LRRTM4: variants seen among roughly 807,000 people sequenced by gnomAD.
LRRTM4 encodes leucine-rich repeat transmembrane neuronal protein 4.
In LRRTM4, 25 loss-of-function variants were observed where a neutral mutation model predicts 47.6. That is an observed-to-expected ratio of 0.53 (90% CI 0.38 to 0.73). LRRTM4 has a LOEUF of 0.73. Ranked by LOEUF, LRRTM4 falls within the 30% of genes least tolerant of loss-of-function variation. The probability of loss-of-function intolerance (pLI) is 0.00; values close to 1 mark genes in which losing one functional copy is unlikely to be tolerated. For synonymous variants in LRRTM4, 311 were observed against 269.5 expected (o/e 1.15, Z -1.51); for missense variants, 638 against 713.4 (o/e 0.89, Z 1.20).
chr2:76,805,809 AAAAC>A lies in LRRTM4; in HGVS notation c.1552-56897_1552-56894del, dbSNP rs145013975. Among the ~76,000 whole-genome samples, 297 of 152,028 alleles carry A rather than the reference AAAAC, an allele frequency of 2.0e-3. 3 individuals are homozygous for A. The East Asian group carries it at 0.031, about 16-fold the overall frequency. On this transcript the variant is annotated intron_variant, in intron 3 of 3. Coordinates refer to ENST00000409884, the MANE Select transcript of LRRTM4 (RefSeq NM_001134745.3). ...ACTTCCCCTTACTGCAGACCTCCAT[AAAAC>A]AAACAAACAAACAAACAAACACCTC...
chr2:76,824,479 C>T (rs1185748784), intron 3 of LRRTM4, among the ~76,000 whole-genome samples: 1 of 151,454 alleles, frequency 6.6e-6, no homozygotes, highest in Non-Finnish European at 1.5e-5. Context: ...CATATACACT[C>T]AATTTATTAA....
intron 3 of LRRTM4, among the ~76,000 whole-genome samples, chr2:77,290,413 G>A (rs928575137): frequency 6.6e-6 from 1 of 151,802 alleles, no homozygotes; most frequent in East Asian, 1.9e-4. Context: ...GTATAGGGAG[G>A]GGAGCATAAA....
At chr2:77,173,920 C>A (rs1418255399) in intron 3 of LRRTM4, among the ~76,000 whole-genome samples, 1 of 152,196 alleles carries the variant, frequency 6.6e-6, no homozygotes, top group Non-Finnish European at 1.5e-5. Flanking sequence ...AAAGAGCTGG[C>A]ATTGCCAGAA....
intron 3 of LRRTM4, among the ~76,000 whole-genome samples, chr2:77,134,657 T>C (rs1671885107): frequency 6.6e-6 from 1 of 152,170 alleles, no homozygotes; most frequent in Non-Finnish European, 1.5e-5. Context: ...ATTTTAGTTC[T>C]TACTTTCCTG....
At chr2:77,155,910 A>G (rs1672548092) in intron 3 of LRRTM4, among the ~76,000 whole-genome samples, 2 of 152,182 alleles carry the variant, frequency 1.3e-5, no homozygotes, top group Non-Finnish European at 1.5e-5. Flanking sequence ...ACCACAGATA[A>G]ATGATAAATG....
chr2:77,440,277 G>T (rs1178096281), intron 3 of LRRTM4, among the ~76,000 whole-genome samples: 1 of 152,154 alleles, frequency 6.6e-6, no homozygotes, highest in African/African-American at 2.4e-5. Context: ...AGCCGGGCGT[G>T]GTGGCGGGCG....
intron 3 of LRRTM4, among the ~76,000 whole-genome samples, chr2:76,996,226 TTAGATAATG>T (rs1248206812): frequency 1.3e-5 from 2 of 152,098 alleles, no homozygotes; most frequent in African/African-American, 4.8e-5. Context: ...TATTGAACTC[TTAGATAATG>T]TAACTTAGAT....
At chr2:77,296,758 C>A (rs1676985290) in intron 3 of LRRTM4, among the ~76,000 whole-genome samples, 1 of 152,206 alleles carries the variant, frequency 6.6e-6, no homozygotes, top group Non-Finnish European at 1.5e-5. Flanking sequence ...CCACCACCAG[C>A]CACACCTCCT....
intron 3 of LRRTM4, among the ~76,000 whole-genome samples, chr2:76,974,383 C>T (rs1046775527): frequency 2.7e-5 from 4 of 150,382 alleles, no homozygotes; most frequent in Non-Finnish European, 5.9e-5. Flanking sequence ...GAGCTAGTAA[C>T]GTTTAACTTG....
At chr2:77,083,471 G>A (rs1921734) in intron 3 of LRRTM4, among the ~76,000 whole-genome samples, 23,095 of 152,004 alleles carry the variant, frequency 0.15, 2,606 homozygotes, top group East Asian at 0.42. Context: ...ACCAACCATT[G>A]ATTTTAACAG....
chr2:77,259,885 C>T (rs929100720), intron 3 of LRRTM4, among the ~76,000 whole-genome samples: 4 of 152,028 alleles, frequency 2.6e-5, no homozygotes, highest in Non-Finnish European at 5.9e-5. Flanking sequence ...TTCAATAAAT[C>T]AGCCCATGTC....
intron 3 of LRRTM4, among the ~76,000 whole-genome samples, chr2:77,192,763 G>A (rs1023100586): frequency 1.4e-4 from 22 of 152,264 alleles, no homozygotes; most frequent in African/African-American, 4.8e-4. Context: ...GTGATCTTAA[G>A]TTGAAATTTA....
intron 3 of LRRTM4, among the ~76,000 whole-genome samples, chr2:77,456,987 AGTGTAT>A (rs1256912289): frequency 4.2e-5 from 4 of 96,158 alleles, no homozygotes; most frequent in East Asian, 6.3e-4. Context: ...TGTATATATT[AGTGTAT>A]GTGTGTGTGT....
intron 3 of LRRTM4, among the ~76,000 whole-genome samples, chr2:77,460,143 G>C (rs12613403): frequency 6.6e-6 from 1 of 152,068 alleles, no homozygotes; most frequent in African/African-American, 2.4e-5. Context: ...CTGGATAGTT[G>C]CTGATCAACA....
intron 2 of LRRTM4, among the ~76,000 whole-genome samples, chr2:77,520,341 G>A (rs1679434824): frequency 1.3e-5 from 2 of 152,066 alleles, no homozygotes; most frequent in African/African-American, 4.8e-5. Context: ...GCTTCAGTAA[G>A]CTGTCAAGGT....
At chr2:77,388,234 A>G (rs1015490445) in intron 3 of LRRTM4, among the ~76,000 whole-genome samples, 7 of 152,188 alleles carry the variant, frequency 4.6e-5, no homozygotes, top group African/African-American at 1.7e-4. Flanking sequence ...AGTGAACAAA[A>G]TGAATCGTCA....
chr2:77,117,533 A>T (rs2103948707), intron 3 of LRRTM4, among the ~76,000 whole-genome samples: 1 of 151,832 alleles, frequency 6.6e-6, no homozygotes, highest in East Asian at 1.9e-4. Context: ...TTTCCCCAAA[A>T]CCTATCTGCT....
intron 3 of LRRTM4, among the ~76,000 whole-genome samples, chr2:77,049,016 A>G (rs1679325900): frequency 6.6e-6 from 1 of 150,734 alleles, no homozygotes; most frequent in African/African-American, 2.4e-5. Context: ...AGAAAATACA[A>G]TATTCATCTT....
chr2:77,223,077 C>G (rs1350788392), intron 3 of LRRTM4, among the ~76,000 whole-genome samples: 3 of 151,970 alleles, frequency 2.0e-5, no homozygotes, highest in Admixed American at 2.0e-4. Context: ...AAACATAATC[C>G]AGCATATCAA....
Sources: allele counts gnomAD v4.1 joint callset (sites outside exome capture counted in the v4.1 genomes callset), GRCh38; gene constraint gnomAD v4.1.1; transcripts MANE v1.5; gene names NCBI Gene and HGNC (gene_info 2026-07-23, HGNC 2026-07-21).